MRRF: variants seen among roughly 807,000 people sequenced by gnomAD.
The protein encoded by MRRF is ribosome-recycling factor, mitochondrial.
Under a neutral mutation model 25.1 loss-of-function variants are expected in MRRF, and 18 were observed. That is an observed-to-expected ratio of 0.72 (90% CI 0.50 to 1.06). MRRF has a LOEUF of 1.06. Among genes scored for constraint, MRRF ranks in the 50% least tolerant of loss-of-function variants. The probability of loss-of-function intolerance (pLI) is 0.00; values close to 1 mark genes in which losing one functional copy is unlikely to be tolerated. For missense variants in MRRF, 323 were observed against 319.3 expected, an observed-to-expected ratio of 1.01 and a Z score of -0.09; for synonymous variants, 113 against 112.1, an observed-to-expected ratio of 1.01 and a Z score of -0.05.
intron 1 of MRRF, chr9:122,265,521 A>T (rs1490609086): frequency 5.7e-6 from 2 of 348,162 alleles, no homozygotes; most frequent in Non-Finnish European, 1.1e-5. Context: ...GAAGTGCTGG[A>T]ACCAAGACTC....
At chr9:122,294,958 G>T (rs1833996050) in intron 5 of MRRF, among the ~76,000 whole-genome samples, 1 of 152,204 alleles carries the variant, frequency 6.6e-6, no homozygotes, top group South Asian at 2.1e-4. Flanking sequence ...CACCTACTAT[G>T]TGCCAGGAAT....
At position 122,325,685 on chromosome 9, in the gene MRRF, T is replaced by TGTGTGTGTGTGTGTGTGTG. The variant is rs1564522615; in HGVS notation, c.*3068_*3069insGTGTGTGTGTGTGTGTGTG. 4 of 119,084 alleles carry TGTGTGTGTGTGTGTGTGTG rather than the reference T, an allele frequency of 3.4e-5. No individual in the cohort carries two copies. The highest frequency in any genetic ancestry group is 9.7e-5 in the African/African-American group (3 of 30,878). 7.4% of individuals were successfully genotyped at this position (119,084 alleles called of 1,614,324 possible). On this transcript the variant is annotated 3_prime_UTR_variant, in exon 7 of 7. Coordinates refer to ENST00000344641, the MANE Select transcript of MRRF (RefSeq NM_138777.5). Reference sequence around the variant, plus strand: ...GTGTGTGTGTGTGTGTGTGTGTGTGTTGGAAATTACAAAATAAGTTGGAAT... The same window carrying TGTGTGTGTGTGTGTGTGTG: ...GTGTGTGTGTGTGTGTGTGTGTGTGTGTGTGTGTGTGTGTGTGTGTGGAAATTACAAAATAAGTTGGAAT...
At chr9:122,287,251 A>G (rs1833473029) in intron 4 of MRRF, among the ~76,000 whole-genome samples, 1 of 152,208 alleles carries the variant, frequency 6.6e-6, no homozygotes, top group African/African-American at 2.4e-5. Context: ...CTTGGAATGT[A>G]GGAATGTCTA....
At chr9:122,284,438 A>C (rs1833261696) in intron 3 of MRRF, among the ~76,000 whole-genome samples, 1 of 152,212 alleles carries the variant, frequency 6.6e-6, no homozygotes, top group African/African-American at 2.4e-5. Context: ...GGATAGTAAG[A>C]GGTACAGTCC....
intron 3 of MRRF, among the ~76,000 whole-genome samples, chr9:122,281,801 G>A (rs1056538037): frequency 2.6e-5 from 4 of 152,162 alleles, no homozygotes; most frequent in Non-Finnish European, 5.9e-5. Flanking sequence ...CTGGAAAGAG[G>A]TTGGGAGTGT....
At chr9:122,266,750 G>A (rs1026905946) in intron 1 of MRRF, among the ~76,000 whole-genome samples, 2 of 152,174 alleles carry the variant, frequency 1.3e-5, no homozygotes, top group South Asian at 4.1e-4. Context: ...CAGGGAAATC[G>A]TTTGAGACCC....
intron 6 of MRRF, among the ~76,000 whole-genome samples, chr9:122,317,548 A>G (rs544911966): frequency 6.6e-6 from 1 of 152,308 alleles, no homozygotes; most frequent in South Asian, 2.1e-4. Context: ...ATTAGAATCT[A>G]CATAGAAAGT....
rs1836072373 is a variant in MRRF at position 122,324,706 on chromosome 9, A to C, written c.*2089A>C. On this transcript the variant is annotated 3_prime_UTR_variant, in exon 7 of 7. Coordinates refer to ENST00000344641, the MANE Select transcript of MRRF (RefSeq NM_138777.5). ...CTGAGTTCTTTCAAAGCAACATCCA[A>C]CTTCTCTTTGCTCTTTGACTTCCTC... 6.6e-6 allele frequency: 1 copy of C among 152,222 alleles called. No homozygotes were observed. Among genetic ancestry groups the C allele is most frequent in the South Asian group, 2.1e-4 (1 of 4,830 alleles). 9.4% of individuals were successfully genotyped at this position (152,222 alleles called of 1,614,324 possible). A position where few individuals can be genotyped will look rare whatever the true frequency, so the allele number is the denominator to read the frequency against.
Position 122,280,609 on chromosome 9 carries a change from G to C in MRRF, c.340+11G>C. The C allele has an allele frequency of 6.2e-7, 1 of 1,613,016 alleles. No individual in the cohort carries two copies. Among genetic ancestry groups the C allele is most frequent in the African/African-American group, 1.3e-5 (1 of 75,028 alleles). Reference sequence around the variant, plus strand: ...TAAGGACCTCACCAGGTTAGTGACTGAACCAATGTTCTGGGGAGGGATGTA... The same window carrying C: ...TAAGGACCTCACCAGGTTAGTGACTCAACCAATGTTCTGGGGAGGGATGTA... On this transcript the variant is annotated intron_variant, in intron 3 of 6. Coordinates refer to ENST00000344641, the MANE Select transcript of MRRF (RefSeq NM_138777.5).
At chr9:122,321,470 G>T (rs548612569) in intron 6 of MRRF, among the ~76,000 whole-genome samples, 19 of 152,206 alleles carry the variant, frequency 1.2e-4, no homozygotes, top group Admixed American at 1.2e-3. Context: ...TTCGTGTATA[G>T]AACTTCAGAA....
rs1051648505 is a variant in MRRF, at chr9:122,312,297, C to T, written c.552-930C>T. On this transcript the variant is annotated intron_variant, in intron 5 of 6. Coordinates refer to ENST00000344641, the MANE Select transcript of MRRF (RefSeq NM_138777.5). ...CTTAAAGTACTCATGTGGCATAGAA[C>T]GGTTTAATAATAGTAGTAATTAGAC... Among the ~76,000 whole-genome samples the T allele has an allele frequency of 7.9e-5, 12 of 152,108 alleles. No homozygotes were observed. In the South Asian group the frequency reaches 1.2e-3, roughly 16 times the overall value.
intron 6 of MRRF, among the ~76,000 whole-genome samples, chr9:122,313,591 A>G (rs1478357057): frequency 6.6e-6 from 1 of 152,204 alleles, no homozygotes; most frequent in Admixed American, 6.5e-5. Flanking sequence ...ATTGTGTACC[A>G]GGTTTTGTGC....
At chr9:122,293,725 G>T (rs139339805) in intron 5 of MRRF, among the ~76,000 whole-genome samples, 5 of 152,152 alleles carry the variant, frequency 3.3e-5, no homozygotes, top group Admixed American at 2.6e-4. Context: ...CTGAGAATGC[G>T]TATGTGCCAG....
At position 122,296,338 on chromosome 9, in the gene MRRF, T is replaced by A. The variant is rs536220460; in HGVS notation, c.551+4498T>A. Among the ~76,000 whole-genome samples the A allele has an allele frequency of 2.0e-5, 3 of 152,362 alleles. No individual in the cohort carries two copies. The East Asian group carries it at 5.8e-4, about 29-fold the overall frequency. ...ATGGAGATATACTGAAATAGTTTCTTCTATTTTTCCAATTCATGTAATTAC... is the reference window on the plus strand; with the variant it reads ...ATGGAGATATACTGAAATAGTTTCTACTATTTTTCCAATTCATGTAATTAC... On this transcript the variant is annotated intron_variant, in intron 5 of 6. Coordinates refer to ENST00000344641, the MANE Select transcript of MRRF (RefSeq NM_138777.5).
intron 2 of MRRF, among the ~76,000 whole-genome samples, chr9:122,274,165 C>T: frequency 6.6e-6 from 1 of 152,038 alleles, no homozygotes; most frequent in Non-Finnish European, 1.5e-5. Context: ...TTAGTCCTGA[C>T]TTTATAGGAA....
intron 2 of MRRF, among the ~76,000 whole-genome samples, chr9:122,271,300 G>T (rs1216135761): frequency 6.6e-6 from 1 of 152,140 alleles, no homozygotes; most frequent in East Asian, 1.9e-4. Flanking sequence ...TTGTTTTCTT[G>T]GTAGCTCAGA....
At chr9:122,282,134 C>G (rs948207760) in intron 3 of MRRF, among the ~76,000 whole-genome samples, 22 of 152,168 alleles carry the variant, frequency 1.4e-4, no homozygotes, top group African/African-American at 4.8e-4. Context: ...GTGAAACAGA[C>G]TAAACTTAAC....
rs918528733 is a variant in MRRF, at chr9:122,327,009, G to A, written c.*4392G>A. 2.6e-5 allele frequency: 4 copies of A among 152,180 alleles called. No homozygotes were observed. The highest frequency in any genetic ancestry group is 1.9e-4 in the East Asian group (1 of 5,200). 9.4% of individuals were successfully genotyped at this position (152,180 alleles called of 1,614,324 possible). ...TGAACACTTACTCAAAAGGGACCTC[G>A]CGCTGTTCTGGACCTGGACGGTGAT... On this transcript the variant is annotated 3_prime_UTR_variant, in exon 7 of 7. Transcript: ENST00000344641.
At chr9:122,322,169 G>A (rs1013301468) in intron 6 of MRRF, among the ~76,000 whole-genome samples, 1 of 152,100 alleles carries the variant, frequency 6.6e-6, no homozygotes, top group Non-Finnish European at 1.5e-5. Context: ...GACCATTCTG[G>A]TGAGCACGGT....
Sources: gnomAD v4.1 joint callset for allele counts (sites outside exome capture counted in the v4.1 genomes callset) on GRCh38, gnomAD v4.1.1 for gene constraint, MANE v1.5 for transcripts, NCBI Gene and HGNC (gene_info 2026-07-23, HGNC 2026-07-21) for gene names.